The following EMCN variants were observed in gnomAD, a reference collection of about 807,000 sequenced individuals.
EMCN encodes endomucin.
A neutral mutation model predicts 38.4 loss-of-function variants in EMCN; 37 were observed. The observed-to-expected ratio is 0.96, with a 90% CI of 0.74 to 1.27. EMCN has a LOEUF of 1.27. Among genes scored for constraint, EMCN ranks in the 50% most tolerant of loss-of-function variants. The pLI, the probability that EMCN is intolerant of heterozygous loss-of-function variation, is 0.00. For missense variants in EMCN, 318 were observed against 302.8 expected (o/e 1.05, Z -0.37); for synonymous variants, 95 against 100.8 (o/e 0.94, Z 0.35).
chr4:100,494,668 T>G (rs1033884971), intron 1 of EMCN, among the ~76,000 whole-genome samples: 2 of 152,024 alleles, frequency 1.3e-5, no homozygotes, highest in East Asian at 1.9e-4. Flanking sequence ...CATGGTCAGG[T>G]GTACCCTTGC....
chr4:100,490,118 T>G (rs1468352576), intron 1 of EMCN, among the ~76,000 whole-genome samples: 1 of 150,950 alleles, frequency 6.6e-6, no homozygotes, highest in South Asian at 2.1e-4. Context: ...CATAGCCCTG[T>G]GTATGGCTAG....
chr4:100,423,645 A>C (rs565856691), intron 5 of EMCN, among the ~76,000 whole-genome samples: 5 of 152,288 alleles, frequency 3.3e-5, no homozygotes, highest in African/African-American at 1.2e-4. Context: ...CTCGCCAAGA[A>C]AACTTCAGTA....
intron 5 of EMCN, among the ~76,000 whole-genome samples, chr4:100,430,312 C>T (rs1016917421): frequency 6.6e-6 from 1 of 152,052 alleles, no homozygotes; most frequent in African/African-American, 2.4e-5. Context: ...TGGTATCAAC[C>T]CCAAAATTAT....
At chr4:100,399,294 G>A (rs1354010600) in intron 11 of EMCN, among the ~76,000 whole-genome samples, 3 of 152,152 alleles carry the variant, frequency 2.0e-5, no homozygotes, top group Non-Finnish European at 4.4e-5. Flanking sequence ...GTGTTGTGTT[G>A]CTGATGGCAG....
chr4:100,443,244 G>A (rs1490753743), intron 5 of EMCN, among the ~76,000 whole-genome samples: 1 of 152,224 alleles, frequency 6.6e-6, no homozygotes, highest in African/African-American at 2.4e-5. Flanking sequence ...GTGGTACCAT[G>A]CTTCCTTGCT....
At chr4:100,497,251 A>G (rs1369924588) in intron 1 of EMCN, among the ~76,000 whole-genome samples, 2 of 151,664 alleles carry the variant, frequency 1.3e-5, no homozygotes, top group Non-Finnish European at 2.9e-5. Flanking sequence ...ACTATTAAAA[A>G]AAAAAAAAAA....
intron 1 of EMCN, chr4:100,486,942 T>C (rs748651832): frequency 1.8e-5 from 18 of 985,236 alleles, no homozygotes; most frequent in Non-Finnish European, 2.2e-5. Flanking sequence ...TCATGTTCCA[T>C]AGTAATGAGA....
At chr4:100,403,041 G>A (rs1162299471) in intron 11 of EMCN, among the ~76,000 whole-genome samples, 1 of 152,104 alleles carries the variant, frequency 6.6e-6, no homozygotes, top group Non-Finnish European at 1.5e-5. Flanking sequence ...AGTGTCCATT[G>A]CATAGGATGG....
At chr4:100,485,738 G>A (rs1728923772) in intron 1 of EMCN, among the ~76,000 whole-genome samples, 1 of 152,024 alleles carries the variant, frequency 6.6e-6, no homozygotes, top group South Asian at 2.1e-4. Flanking sequence ...TAACACGGTT[G>A]TACACTAATG....
chr4:100,401,997 T>C (rs898738703), intron 11 of EMCN, among the ~76,000 whole-genome samples: 1 of 152,182 alleles, frequency 6.6e-6, no homozygotes, highest in African/African-American at 2.4e-5. Flanking sequence ...ATCTTAGACA[T>C]GCTTTCATGT....
chr4:100,428,365 T>G (rs1727109507), intron 5 of EMCN, among the ~76,000 whole-genome samples: 1 of 152,090 alleles, frequency 6.6e-6, no homozygotes, highest in Non-Finnish European at 1.5e-5. Flanking sequence ...CCTTGGCCAC[T>G]TTTTTCAATC....
At chr4:100,399,380 C>T (rs1035917267) in intron 11 of EMCN, among the ~76,000 whole-genome samples, 33 of 151,896 alleles carry the variant, frequency 2.2e-4, no homozygotes, top group Admixed American at 1.8e-3. Flanking sequence ...GTACAAGTGG[C>T]GGAGACCTGT....
chr4:100,498,023 T>TC (rs1729255520), intron 1 of EMCN, among the ~76,000 whole-genome samples: 1 of 152,188 alleles, frequency 6.6e-6, no homozygotes, highest in Admixed American at 6.5e-5. Flanking sequence ...GCTGTTTTTT[T>TC]CAATAGTGGT....
intron 2 of EMCN, 86 bp downstream of exon 2, chr4:100,479,831 C>T (rs1027756749): frequency 1.4e-4 from 157 of 1,115,420 alleles, no homozygotes; most frequent in East Asian, 3.2e-4. Context: ...TATAAGATCC[C>T]GAATTATTTT....
At chr4:100,483,509 A>G (rs1407622146) in intron 1 of EMCN, 2 of 152,158 alleles carry the variant, frequency 1.3e-5, no homozygotes, top group Admixed American at 6.6e-5. Flanking sequence ...CTTGAAAAAA[A>G]CCAAACATTT....
chr4:100,410,837 C>G (rs1560603665), intron 10 of EMCN, among the ~76,000 whole-genome samples: 1 of 152,088 alleles, frequency 6.6e-6, no homozygotes, highest in Non-Finnish European at 1.5e-5. Flanking sequence ...ATATACAGAG[C>G]AGCGCAGGTG....
intron 1 of EMCN, among the ~76,000 whole-genome samples, chr4:100,511,898 G>A (rs560052189): frequency 1.3e-5 from 2 of 152,168 alleles, no homozygotes; most frequent in African/African-American, 4.8e-5. Flanking sequence ...AGGAATATAA[G>A]AGAAAAGCAT....
At chr4:100,476,563 G>A (rs762598754) in intron 2 of EMCN, among the ~76,000 whole-genome samples, 2 of 152,072 alleles carry the variant, frequency 1.3e-5, no homozygotes, top group East Asian at 1.9e-4. Context: ...ATTATTTTGA[G>A]TCAATAAATG....
chr4:100,458,071 G>A lies in EMCN; in HGVS notation c.376+7352C>T, dbSNP rs949745215. On this transcript the variant is annotated intron_variant, in intron 4 of 11. Transcript: ENST00000296420. ...GTGGAGTTTGCAGTGAGCCGAGATTGTGCCACTGCACTCCAGCCTGGGCAA... is the reference window on the plus strand; with the variant it reads ...GTGGAGTTTGCAGTGAGCCGAGATTATGCCACTGCACTCCAGCCTGGGCAA... Among the ~76,000 whole-genome samples the A allele has an allele frequency of 7.2e-5, 11 of 151,922 alleles. No individual in the cohort carries two copies. The East Asian group carries it at 2.1e-3, about 29-fold the overall frequency.
Sources: allele counts gnomAD v4.1 joint callset (sites outside exome capture counted in the v4.1 genomes callset), GRCh38; gene constraint gnomAD v4.1.1; transcripts MANE v1.5; gene names NCBI Gene and HGNC (gene_info 2026-07-23, HGNC 2026-07-21).